C1orf21: variants seen among roughly 807,000 people sequenced by gnomAD.
C1orf21 encodes chromosome 1 open reading frame 21.
A neutral mutation model predicts 18.7 loss-of-function variants in C1orf21; 3 were observed. That is an observed-to-expected ratio of 0.16 (90% CI 0.07 to 0.42). C1orf21 has a LOEUF of 0.42. Ranked by LOEUF, C1orf21 falls within the 10% of genes least tolerant of loss-of-function variation. C1orf21 has a pLI of 0.99. For missense variants in C1orf21, 104 were observed against 143.6 expected (o/e 0.72, Z 1.41); for synonymous variants, 41 against 46.4 (o/e 0.88, Z 0.47).
chr1:184,468,070 A>G (rs1310965014), intron 1 of C1orf21, among the ~76,000 whole-genome samples: 1 of 151,970 alleles, frequency 6.6e-6, no homozygotes, highest in Non-Finnish European at 1.5e-5. Context: ...GAAAAAGAGA[A>G]TGAGACAAAG....
intron 1 of C1orf21, among the ~76,000 whole-genome samples, chr1:184,391,714 T>C (rs1271047073): frequency 6.6e-6 from 1 of 152,060 alleles, no homozygotes; most frequent in Non-Finnish European, 1.5e-5. Context: ...AATTTCTTTC[T>C]TTCTTTTTTT....
chr1:184,410,907 C>T (rs763288631), intron 1 of C1orf21, among the ~76,000 whole-genome samples: 3 of 150,768 alleles, frequency 2.0e-5, no homozygotes, highest in Non-Finnish European at 4.4e-5. Context: ...CCGCCTTGGC[C>T]TGCCAAACTG....
intron 2 of C1orf21, among the ~76,000 whole-genome samples, chr1:184,481,545 G>A (rs1657654196): frequency 6.6e-6 from 1 of 152,136 alleles, no homozygotes; most frequent in Non-Finnish European, 1.5e-5. Flanking sequence ...TGCAGGGAGG[G>A]TCAAGATTGG....
chr1:184,612,257 A>G (rs1230479568), intron 5 of C1orf21, among the ~76,000 whole-genome samples: 1 of 152,206 alleles, frequency 6.6e-6, no homozygotes, highest in Non-Finnish European at 1.5e-5. Context: ...ACACTTCCAG[A>G]CAGAAAGAAG....
chr1:184,403,299 C>CA (rs1422265691), intron 1 of C1orf21, among the ~76,000 whole-genome samples: 1 of 152,046 alleles, frequency 6.6e-6, no homozygotes, highest in Non-Finnish European at 1.5e-5. Flanking sequence ...GGGATGAATT[C>CA]AAAAGCATAA....
At chr1:184,463,343 A>G (rs1657337293) in intron 1 of C1orf21, among the ~76,000 whole-genome samples, 1 of 151,958 alleles carries the variant, frequency 6.6e-6, no homozygotes, top group Non-Finnish European at 1.5e-5. Context: ...TCTATTCATA[A>G]TTTTTATCAT....
intron 5 of C1orf21, among the ~76,000 whole-genome samples, chr1:184,612,725 G>A (rs903403883): frequency 1.3e-5 from 2 of 152,126 alleles, no homozygotes; most frequent in African/African-American, 4.8e-5. Flanking sequence ...AAGAGAACTG[G>A]ACCTGATTCC....
intron 5 of C1orf21, among the ~76,000 whole-genome samples, chr1:184,618,542 GT>G (rs1659866333): frequency 6.6e-6 from 1 of 151,920 alleles, no homozygotes; most frequent in African/African-American, 2.4e-5. Context: ...CAAAAAACAT[GT>G]AATACATCTG....
chr1:184,555,350 C>T (rs1303745037), intron 3 of C1orf21, among the ~76,000 whole-genome samples: 2 of 152,130 alleles, frequency 1.3e-5, no homozygotes, highest in Non-Finnish European at 2.9e-5. Context: ...TGGTGGTAGG[C>T]AGAGGCCCCT....
chr1:184,590,905 A>G (rs1571292649), intron 4 of C1orf21, 90 bp downstream of exon 4: 2 of 1,206,898 alleles, frequency 1.7e-6, no homozygotes, highest in Non-Finnish European at 2.4e-6. Flanking sequence ...TGGATCAAAA[A>G]TATTCAAAAA....
chr1:184,531,543 C>CT (rs1472910590), intron 3 of C1orf21, among the ~76,000 whole-genome samples: 1 of 152,252 alleles, frequency 6.6e-6, no homozygotes, highest in Non-Finnish European at 1.5e-5. Context: ...TCCTGAATAA[C>CT]TTTTTCATGT....
At chr1:184,597,564 CTG>C (rs946245837) in intron 4 of C1orf21, among the ~76,000 whole-genome samples, 67 of 152,072 alleles carry the variant, frequency 4.4e-4, no homozygotes, top group African/African-American at 1.5e-3. Context: ...AAAGGAAACT[CTG>C]TGTGATAACG....
chr1:184,505,557 G>C (rs1658047986), intron 2 of C1orf21, among the ~76,000 whole-genome samples: 1 of 151,696 alleles, frequency 6.6e-6, no homozygotes, highest in Non-Finnish European at 1.5e-5. Flanking sequence ...GAGGTCAGGA[G>C]TTCGAGACCA....
intron 2 of C1orf21, among the ~76,000 whole-genome samples, chr1:184,491,261 A>C (rs1657812879): frequency 6.6e-6 from 1 of 152,164 alleles, no homozygotes; most frequent in African/African-American, 2.4e-5. Flanking sequence ...AAGAAGAATA[A>C]AAACTTCATT....
chr1:184,618,589 T>C (rs1315227166), intron 5 of C1orf21, among the ~76,000 whole-genome samples: 3 of 152,182 alleles, frequency 2.0e-5, no homozygotes, highest in Non-Finnish European at 4.4e-5. Context: ...ATTAGTATCG[T>C]TAAGTATTGG....
intron 3 of C1orf21, among the ~76,000 whole-genome samples, chr1:184,520,964 G>A (rs1349124802): frequency 6.6e-6 from 1 of 152,134 alleles, no homozygotes; most frequent in East Asian, 1.9e-4. Flanking sequence ...CACGATCTTG[G>A]CTCACTGCAA....
chr1:184,478,540 G>A (rs550834073), intron 2 of C1orf21, among the ~76,000 whole-genome samples: 1 of 152,340 alleles, frequency 6.6e-6, no homozygotes, highest in South Asian at 2.1e-4. Flanking sequence ...ACAACCGTCA[G>A]GAGGTGGGGT....
intron 2 of C1orf21, among the ~76,000 whole-genome samples, chr1:184,479,321 C>T (rs1360811905): frequency 6.6e-6 from 1 of 152,216 alleles, no homozygotes; most frequent in Non-Finnish European, 1.5e-5. Flanking sequence ...TGTTTAACTT[C>T]TACCTGATGT....
In C1orf21 at chr1:184,590,623, C is replaced by G. The variant is rs780698724; in HGVS notation, c.190-116C>G. ...AAGGACTTTTGCCCTTGTGAGGTAA[C>G]CAGCCGTAGTATAGGGCCCCAAACA... On this transcript the variant is annotated intron_variant, in intron 3 of 5. Coordinates refer to ENST00000235307, the MANE Select transcript of C1orf21 (RefSeq NM_030806.4). 1.1e-3 allele frequency: 1,111 copies of G among 972,988 alleles called. 4 individuals carry two copies. Among genetic ancestry groups the G allele is most frequent in the Non-Finnish European group, 1.6e-3 (1,009 of 632,456 alleles). The allele number at this position is 972,988 out of a possible 1,614,324, so 60.3% of individuals were successfully genotyped here.
Sources: gnomAD v4.1 joint callset for allele counts (sites outside exome capture counted in the v4.1 genomes callset) on GRCh38, gnomAD v4.1.1 for gene constraint, MANE v1.5 for transcripts, NCBI Gene and HGNC (gene_info 2026-07-23, HGNC 2026-07-21) for gene names.